The following PCDH9 variants were observed in gnomAD, a reference collection of about 807,000 sequenced individuals.
The protein encoded by PCDH9 is protocadherin-9.
PCDH9 carries 24 observed loss-of-function variants against 70.6 expected under a neutral mutation model. The observed-to-expected ratio is 0.34, with a 90% CI of 0.25 to 0.48. The LOEUF (loss-of-function observed/expected upper bound fraction) is 0.48, where lower values mean the gene tolerates loss of function less well. PCDH9 is among the 20% of genes least tolerant of loss of function. The pLI is 0.99. For synonymous variants in PCDH9, 562 were observed against 558.5 expected (o/e 1.01, Z -0.09); for missense variants, 1,281 against 1,503.6 (o/e 0.85, Z 2.45).
At chr13:66,713,628 TATATA>T (rs1171497949) in intron 3 of PCDH9, among the ~76,000 whole-genome samples, 1 of 66,662 alleles carries the variant, frequency 1.5e-5, no homozygotes, top group South Asian at 5.9e-4. Flanking sequence ...TGTGTGTGTA[TATATA>T]TATATATATA....
chr13:66,330,167 A>ATTTTT (rs1955918302), intron 4 of PCDH9, among the ~76,000 whole-genome samples: 1 of 152,216 alleles, frequency 6.6e-6, no homozygotes, highest in Non-Finnish European at 1.5e-5. Flanking sequence ...AAGTCTGTTC[A>ATTTTT]GTACTTATTT....
intron 3 of PCDH9, among the ~76,000 whole-genome samples, chr13:66,753,801 A>G (rs1594010791): frequency 6.6e-6 from 1 of 152,210 alleles, no homozygotes; most frequent in East Asian, 1.9e-4. Flanking sequence ...ACTAGGTATA[A>G]GACAAAAATA....
At chr13:66,900,919 C>T (rs2082266352) in intron 3 of PCDH9, among the ~76,000 whole-genome samples, 1 of 151,602 alleles carries the variant, frequency 6.6e-6, no homozygotes, top group African/African-American at 2.4e-5. Context: ...AGGCTCAGTA[C>T]AGAATTAAAT....
chr13:66,852,413 C>T (rs2081328820), intron 3 of PCDH9, among the ~76,000 whole-genome samples: 1 of 152,096 alleles, frequency 6.6e-6, no homozygotes. Context: ...TCTTCCTATT[C>T]TACTTAAACC....
chr13:66,890,787 T>C (rs559271125), intron 3 of PCDH9, among the ~76,000 whole-genome samples: 39 of 152,270 alleles, frequency 2.6e-4, no homozygotes, highest in Non-Finnish European at 4.1e-4. Flanking sequence ...TTTGTTTCGA[T>C]TGAGCTCAGT....
chr13:67,140,808 A>G (rs1209152893), intron 2 of PCDH9, among the ~76,000 whole-genome samples: 1 of 152,234 alleles, frequency 6.6e-6, no homozygotes, highest in African/African-American at 2.4e-5. Context: ...AGCCATGTGC[A>G]GCACATTTCT....
At chr13:66,377,026 C>G (rs890270380) in intron 4 of PCDH9, among the ~76,000 whole-genome samples, 7 of 152,154 alleles carry the variant, frequency 4.6e-5, no homozygotes, top group African/African-American at 1.4e-4. Flanking sequence ...CCGGCTTAAC[C>G]AAGATGCCCT....
intron 2 of PCDH9, among the ~76,000 whole-genome samples, chr13:67,031,412 A>G (rs1047764180): frequency 3.9e-5 from 6 of 152,016 alleles, no homozygotes; most frequent in South Asian, 2.1e-4. Context: ...TGTTTATAAT[A>G]TAATTATACA....
chr13:66,945,683 T>A (rs2083076870), intron 2 of PCDH9, among the ~76,000 whole-genome samples: 1 of 152,182 alleles, frequency 6.6e-6, no homozygotes, highest in South Asian at 2.1e-4. Context: ...ATTTGGACTC[T>A]TGTAAAATAT....
At chr13:67,017,003 A>G (rs2084576438) in intron 2 of PCDH9, among the ~76,000 whole-genome samples, 1 of 152,158 alleles carries the variant, frequency 6.6e-6, no homozygotes, top group Non-Finnish European at 1.5e-5. Context: ...TCAGAAGGGC[A>G]ATACAATCAA....
chr13:67,131,082 C>T (rs370560310), intron 2 of PCDH9, among the ~76,000 whole-genome samples: 1 of 152,146 alleles, frequency 6.6e-6, no homozygotes, highest in African/African-American at 2.4e-5. Context: ...CAAATGAGAA[C>T]AGAGAAAAGA....
chr13:66,732,849 T>C (rs1490067667), intron 3 of PCDH9, among the ~76,000 whole-genome samples: 1 of 152,048 alleles, frequency 6.6e-6, no homozygotes, highest in African/African-American at 2.4e-5. Context: ...CTATGAGAGA[T>C]ATTTTATGGC....
intron 4 of PCDH9, among the ~76,000 whole-genome samples, chr13:66,397,529 A>G (rs1382556615): frequency 6.7e-6 from 1 of 149,926 alleles, no homozygotes; most frequent in East Asian, 2.3e-4. Flanking sequence ...ATATATGTAT[A>G]TATACACATA....
rs138017926 is a variant in PCDH9, at chr13:67,182,887, A to G, written c.3036+42518T>C. ...ATTCCTAATTTCCATGGAATGTTGG[A>G]AGGATCAATGTAGGAAGGATCTAAA... On this transcript the variant is annotated intron_variant, in intron 2 of 4. Transcript: ENST00000377865. 6.1e-4 allele frequency among the ~76,000 whole-genome samples: 93 copies of G among 152,228 alleles called. 1 individual carries two copies. The highest frequency in any genetic ancestry group is 6.0e-3 in the South Asian group (29 of 4,826).
intron 2 of PCDH9, among the ~76,000 whole-genome samples, chr13:67,062,332 T>C (rs79306191): frequency 4.6e-5 from 7 of 152,322 alleles, no homozygotes; most frequent in Non-Finnish European, 1.0e-4. Context: ...AGTGTTTATC[T>C]GAATGGGCAC....
intron 2 of PCDH9, chr13:67,214,733 GT>G (rs1176858458): frequency 7.9e-5 from 12 of 151,672 alleles, no homozygotes; most frequent in Admixed American, 3.9e-4. Flanking sequence ...ACCAGATAGT[GT>G]TTTAACACAA....
intron 3 of PCDH9, among the ~76,000 whole-genome samples, chr13:66,721,755 T>C (rs2078944295): frequency 6.6e-6 from 1 of 152,222 alleles, no homozygotes; most frequent in Admixed American, 6.5e-5. Context: ...CAATATCATT[T>C]ACACCTAGTC....
intron 3 of PCDH9, among the ~76,000 whole-genome samples, chr13:66,763,528 T>C (rs2079660874): frequency 6.6e-6 from 1 of 152,046 alleles, no homozygotes; most frequent in Non-Finnish European, 1.5e-5. Flanking sequence ...CACCCTATTT[T>C]CCTATAGATG....
chr13:66,897,125 G>C (rs1248897873), intron 3 of PCDH9, among the ~76,000 whole-genome samples: 3 of 152,020 alleles, frequency 2.0e-5, no homozygotes, highest in African/African-American at 4.8e-5. Context: ...GAAACACAAA[G>C]AACCATGTTT....
Sources: gnomAD v4.1 joint callset for allele counts (sites outside exome capture counted in the v4.1 genomes callset) on GRCh38, gnomAD v4.1.1 for gene constraint, MANE v1.5 for transcripts, NCBI Gene and HGNC (gene_info 2026-07-23, HGNC 2026-07-21) for gene names.